The following CNGB3 variants were observed in gnomAD, a reference collection of about 807,000 sequenced individuals.
CNGB3 encodes cyclic nucleotide-gated channel beta-3.
A neutral mutation model predicts 92.8 loss-of-function variants in CNGB3; 86 were observed. That is an observed-to-expected ratio of 0.93 (90% CI 0.78 to 1.11). The LOEUF is 1.11. CNGB3 is among the 50% of genes least tolerant of loss of function. CNGB3 has a pLI of 0.00. For synonymous variants in CNGB3, 333 were observed against 332.7 expected (o/e 1.00, Z -0.01); for missense variants, 1,026 against 956.8 (o/e 1.07, Z -0.95).
At chr8:86,593,151 A>G (rs1822083725) in intron 15 of CNGB3, among the ~76,000 whole-genome samples, 1 of 152,236 alleles carries the variant, frequency 6.6e-6, no homozygotes, top group South Asian at 2.1e-4. Context: ...TATTACAGAT[A>G]TAAAATGCTT....
At chr8:86,657,686 G>T (rs887111691) in intron 6 of CNGB3, 4 of 447,898 alleles carry the variant, frequency 8.9e-6, no homozygotes, top group Non-Finnish European at 1.8e-5. Flanking sequence ...CCAGGAATTT[G>T]CCATGCCACT....
Position 86,629,070 on chromosome 8 carries a change from A to G in CNGB3, c.1329T>C (p.Asp443=), listed in dbSNP as rs1377735742. Residue 443 remains aspartate, a synonymous_variant, in exon 12 of 18, where the codon GAT becomes GAC. Transcript: ENST00000320005. ...GATTGGCTGTAGCTGCTCCAATCAC[A>G]TCTCTCATCTAAAACCACAAATATG... ...VFSSLIGQMR[D]VIGAATANQN... 6.2e-7 allele frequency: 1 copy of G among 1,613,924 alleles called. No individual in the cohort carries two copies. The highest frequency in any genetic ancestry group is 8.5e-7 in the Non-Finnish European group (1 of 1,179,944).
At position 86,578,772 on chromosome 8, in the gene CNGB3, T is replaced by C; in HGVS notation, c.2020A>G (p.Lys674Glu). 1.9e-6 allele frequency: 3 copies of C among 1,614,128 alleles called. No individual in the cohort carries two copies. Among genetic ancestry groups the C allele is most frequent in the Non-Finnish European group, 2.5e-6 (3 of 1,180,004 alleles). ...CCTCCTAGGAGAGTTTTAAACAGTTTGGGTGTCTCTTCTTTCGGTGGGAAG... is the reference window on the plus strand; with the variant it reads ...CCTCCTAGGAGAGTTTTAAACAGTTCGGGTGTCTCTTCTTTCGGTGGGAAG... ...LLFPPKEETP[K>E]LFKTLLGGTG... The change falls in exon 17 of 18, where the codon AAA becomes GAA. Residue 674 changes from lysine to glutamate, a missense_variant. By Grantham distance (56) the Lys-to-Glu change is moderately conservative. Coordinates refer to ENST00000320005, the MANE Select transcript of CNGB3 (RefSeq NM_019098.5).
intron 6 of CNGB3, among the ~76,000 whole-genome samples, chr8:86,655,909 A>G (rs1823496881): frequency 6.6e-6 from 1 of 152,222 alleles, no homozygotes; most frequent in South Asian, 2.1e-4. Context: ...CCAAAGCATT[A>G]TAACTTGGAC....
At chr8:86,617,636 C>G (rs377190647) in intron 13 of CNGB3, among the ~76,000 whole-genome samples, 8 of 152,090 alleles carry the variant, frequency 5.3e-5, no homozygotes, top group Non-Finnish European at 7.3e-5. Flanking sequence ...TAATATTAGA[C>G]CTAAACTTAC....
intron 15 of CNGB3, among the ~76,000 whole-genome samples, chr8:86,589,351 T>G (rs1284632518): frequency 1.3e-5 from 2 of 149,556 alleles, no homozygotes; most frequent in African/African-American, 2.5e-5. Flanking sequence ...AGTTCTGCTC[T>G]GATTTTAGTT....
chr8:86,732,749 A>G (rs904826074), intron 2 of CNGB3, among the ~76,000 whole-genome samples: 1 of 152,228 alleles, frequency 6.6e-6, no homozygotes, highest in South Asian at 2.1e-4. Context: ...CAGAAATGTC[A>G]TACCAACTTT....
intron 3 of CNGB3, among the ~76,000 whole-genome samples, chr8:86,696,161 T>G (rs766642300): frequency 6.6e-6 from 1 of 152,206 alleles, no homozygotes. Flanking sequence ...GTGGATGGAC[T>G]CAGGACCTCT....
At chr8:86,640,163 A>G in intron 10 of CNGB3, among the ~76,000 whole-genome samples, 1 of 152,010 alleles carries the variant, frequency 6.6e-6, no homozygotes, top group East Asian at 1.9e-4. Flanking sequence ...CACTTTGATG[A>G]TATATTGGCC....
chr8:86,585,206 G>A (rs1042204931), intron 15 of CNGB3, among the ~76,000 whole-genome samples: 5 of 151,996 alleles, frequency 3.3e-5, no homozygotes, highest in African/African-American at 2.4e-5. Context: ...GCAAAACTCA[G>A]TAAATGTGAG....
At chr8:86,624,443 T>A (rs1822804654) in intron 13 of CNGB3, among the ~76,000 whole-genome samples, 1 of 151,900 alleles carries the variant, frequency 6.6e-6, no homozygotes. Context: ...AATAAGTAAA[T>A]AAAGTCTACA....
At chr8:86,613,918 CATATAAT>C (rs1297101522) in intron 13 of CNGB3, among the ~76,000 whole-genome samples, 2 of 146,452 alleles carry the variant, frequency 1.4e-5, no homozygotes, top group African/African-American at 2.5e-5. Flanking sequence ...ATAATATGTA[CATATAAT>C]ATATAATATA....
chr8:86,600,619 T>C (rs1424444146), intron 15 of CNGB3, among the ~76,000 whole-genome samples: 1 of 150,086 alleles, frequency 6.7e-6, no homozygotes, highest in Non-Finnish European at 1.5e-5. Context: ...TTTTTCTTTT[T>C]TTTTTTTTGT....
At chr8:86,679,163 T>A (rs1824032869) in intron 3 of CNGB3, among the ~76,000 whole-genome samples, 1 of 152,190 alleles carries the variant, frequency 6.6e-6, no homozygotes, top group Admixed American at 6.5e-5. Context: ...ATTGTGCACT[T>A]ATTTTGCACC....
chr8:86,632,636 A>T, intron 11 of CNGB3, 116 bp downstream of exon 11: 1 of 1,045,924 alleles, frequency 9.6e-7, no homozygotes, highest in Non-Finnish European at 1.4e-6. Flanking sequence ...GAAGAAAGTT[A>T]GTTCAAAAAA....
At chr8:86,666,802 ACTT>A in intron 6 of CNGB3, 120 bp downstream of exon 6, 1 of 799,114 alleles carries the variant, frequency 1.3e-6, no homozygotes, top group Non-Finnish European at 2.1e-6. Flanking sequence ...ATTGCTCATG[ACTT>A]CTTGCAATTA....
chr8:86,727,572 G>A (rs1179089851), intron 2 of CNGB3, among the ~76,000 whole-genome samples: 1 of 151,924 alleles, frequency 6.6e-6, no homozygotes, highest in Non-Finnish European at 1.5e-5. Flanking sequence ...AATTAATATA[G>A]TTTAAATTGT....
At chr8:86,720,969 AT>A (rs1488949137) in intron 3 of CNGB3, among the ~76,000 whole-genome samples, 1 of 150,734 alleles carries the variant, frequency 6.6e-6, no homozygotes, top group African/African-American at 2.4e-5. Context: ...AATAATAATA[AT>A]TATTATTATT....
chr8:86,700,400 T>C (rs749829505), intron 3 of CNGB3, among the ~76,000 whole-genome samples: 2 of 152,248 alleles, frequency 1.3e-5, no homozygotes, highest in Non-Finnish European at 2.9e-5. Flanking sequence ...TACTTTCAAC[T>C]AGTTGCATTT....
Sources: gnomAD v4.1 joint callset for allele counts (sites outside exome capture counted in the v4.1 genomes callset) on GRCh38, gnomAD v4.1.1 for gene constraint, MANE v1.5 for transcripts, NCBI Gene and HGNC (gene_info 2026-07-23, HGNC 2026-07-21) for gene names.